VAV2: variants seen among roughly 807,000 people sequenced by gnomAD.
VAV2 encodes vav guanine nucleotide exchange factor 2.
A neutral mutation model predicts 132.5 loss-of-function variants in VAV2; 67 were observed. The ratio of observed to expected loss-of-function variants is 0.51; its 90% CI spans 0.42 to 0.62. The LOEUF (loss-of-function observed/expected upper bound fraction) is 0.62. Among genes scored for constraint, VAV2 ranks in the 20% least tolerant of loss-of-function variants. The probability of loss-of-function intolerance (pLI) is 0.00; values close to 1 mark genes in which losing one functional copy is unlikely to be tolerated. For missense variants in VAV2, 938 were observed against 1,153.6 expected (o/e 0.81, Z 2.71); for synonymous variants, 492 against 443.5 (o/e 1.11, Z -1.37).
At chr9:133,842,826 C>T (rs1052032173) in intron 3 of VAV2, among the ~76,000 whole-genome samples, 2 of 152,276 alleles carry the variant, frequency 1.3e-5, no homozygotes, top group Non-Finnish European at 1.5e-5. Flanking sequence ...GCATGGGAGC[C>T]GGGCCCTAGC....
Position 133,960,747 on chromosome 9 carries a change from A to C in VAV2, c.205-21528T>G, listed in dbSNP as rs576085809. 2.0e-5 allele frequency among the ~76,000 whole-genome samples: 3 copies of C among 152,326 alleles called. No homozygotes were observed. In the South Asian group the frequency reaches 6.2e-4, roughly 32 times the overall value. On this transcript the variant is annotated intron_variant, in intron 1 of 29. Transcript: ENST00000371850. ...GGCGCTTTGTCTGCCTGACTCTGTA[A>C]TACCCTTTGTGGAACGCAGGAGTCC...
chr9:133,949,571 G>A (rs1426442005), intron 1 of VAV2, among the ~76,000 whole-genome samples: 1 of 152,126 alleles, frequency 6.6e-6, no homozygotes, highest in Admixed American at 6.5e-5. Context: ...CTGCCCCCTC[G>A]AATGGCGGGT....
At chr9:133,927,217 C>A (rs1265000981) in intron 2 of VAV2, among the ~76,000 whole-genome samples, 1 of 152,170 alleles carries the variant, frequency 6.6e-6, no homozygotes, top group Non-Finnish European at 1.5e-5. Flanking sequence ...GAGTGGGAAA[C>A]CCCTGGCACA....
At chr9:133,972,425 G>A (rs1327025027) in intron 1 of VAV2, among the ~76,000 whole-genome samples, 1 of 152,234 alleles carries the variant, frequency 6.6e-6, no homozygotes, top group Non-Finnish European at 1.5e-5. Flanking sequence ...TGCGTCATTA[G>A]CTAATGCAGA....
chr9:133,928,426 G>A lies in VAV2; in HGVS notation c.321+10677C>T, dbSNP rs1431087663. Among the ~76,000 whole-genome samples, 4 of 152,336 alleles carry A rather than the reference G, an allele frequency of 2.6e-5. No homozygotes were observed. Among genetic ancestry groups the A allele is most frequent in the South Asian group, 2.1e-4 (1 of 4,832 alleles). On this transcript the variant is annotated intron_variant, in intron 2 of 29. Transcript: ENST00000371850. The surrounding 1 kb of genome is among the most constrained non-coding windows in gnomAD (Gnocchi z 5.4). ...GCAGCTCCCCACCCCAGCGAGGAGC[G>A]ACTGCATTTTAATAAGTAATTAGTG...
At chr9:133,820,762 C>A (rs975619058) in intron 4 of VAV2, among the ~76,000 whole-genome samples, 3 of 152,166 alleles carry the variant, frequency 2.0e-5, no homozygotes, top group Non-Finnish European at 4.4e-5. Context: ...AAGAGGGAAC[C>A]CTCAGGGGCT....
intron 9 of VAV2, 63 bp from the exon 10 acceptor site, chr9:133,797,872 G>C: frequency 6.7e-7 from 1 of 1,494,156 alleles, no homozygotes; most frequent in Admixed American, 1.9e-5. Context: ...GGGCTGCAGT[G>C]AGCCCGTCCA....
Position 133,788,403 on chromosome 9 carries a change from A to G in VAV2, c.1358T>C (p.Leu453Pro). 3 of 1,612,114 alleles carry G rather than the reference A, an allele frequency of 1.9e-6. No individual in the cohort carries two copies. Among genetic ancestry groups the G allele is most frequent in the Non-Finnish European group, 2.5e-6 (3 of 1,178,314 alleles). Residue 453 changes from leucine to proline, a missense_variant, in exon 15 of 30, where the codon CTG (leucine) becomes CCG (proline). By Grantham distance (98) the Leu-to-Pro change is moderately conservative. Transcript: ENST00000371850. The surrounding 1 kb of genome is among the most constrained non-coding windows in gnomAD (Gnocchi z 5.3). ...GGGGTCGTCGGTCATCTTGTGGAAC[A>G]GCAGCTCGATGATCTCCTTGAGCTC... is the stretch of plus-strand genomic sequence containing the variant. ...SYELKEIIELLFHKMTDDPMN... is the reference protein window; with the variant it reads ...SYELKEIIELPFHKMTDDPMN...
intron 3 of VAV2, among the ~76,000 whole-genome samples, chr9:133,835,835 C>A (rs567974074): frequency 2.0e-5 from 3 of 152,346 alleles, no homozygotes; most frequent in East Asian, 3.9e-4. Flanking sequence ...CTGTCACAGA[C>A]CTGCAGGGAC....
In VAV2 at chr9:133,835,903, G is replaced by A. The variant is rs375062115; in HGVS notation, c.381-1563C>T. Reference sequence around the variant, plus strand: ...CTGGTAAAAGCCCGTGTCCAAGGGCGCAGCACGGCCAGGCCTGACCTCTGC... The same window carrying A: ...CTGGTAAAAGCCCGTGTCCAAGGGCACAGCACGGCCAGGCCTGACCTCTGC... On this transcript the variant is annotated intron_variant, in intron 3 of 29. Coordinates refer to ENST00000371850, the MANE Select transcript of VAV2 (RefSeq NM_001134398.2). Among the ~76,000 whole-genome samples, 5 of 152,182 alleles carry A rather than the reference G, an allele frequency of 3.3e-5. 1 individual carries two copies. Among genetic ancestry groups the A allele is most frequent in the Admixed American group, 1.3e-4 (2 of 15,280 alleles).
At chr9:133,777,931 C>A (rs765444448) in intron 22 of VAV2, among the ~76,000 whole-genome samples, 1 of 152,172 alleles carries the variant, frequency 6.6e-6, no homozygotes, top group African/African-American at 2.4e-5. Context: ...TGTCAGCTCC[C>A]GCGGGAAGCT....
chr9:133,981,617 C>A (rs1285776586), intron 1 of VAV2, among the ~76,000 whole-genome samples: 1 of 152,198 alleles, frequency 6.6e-6, no homozygotes, highest in Non-Finnish European at 1.5e-5. Flanking sequence ...CTTTTTGCAC[C>A]AAATCTTTCC....
chr9:133,810,040 A>C, intron 6 of VAV2, 151 bp downstream of exon 6: 1 of 1,136,978 alleles, frequency 8.8e-7, no homozygotes, highest in East Asian at 2.6e-5. Flanking sequence ...GGGGGTGCCG[A>C]GGGTCTCTGA....
At chr9:133,979,401 C>G (rs763321718) in intron 1 of VAV2, among the ~76,000 whole-genome samples, 5 of 152,168 alleles carry the variant, frequency 3.3e-5, no homozygotes, top group Non-Finnish European at 7.3e-5. Context: ...GTCGGCCGCT[C>G]AGTGCCCAAC....
At chr9:133,904,834 C>T (rs1839582424) in intron 2 of VAV2, among the ~76,000 whole-genome samples, 2 of 152,370 alleles carry the variant, frequency 1.3e-5, no homozygotes, top group South Asian at 2.1e-4. Context: ...CCTCTCTGGG[C>T]CTCTAGGCAC....
intron 9 of VAV2, among the ~76,000 whole-genome samples, chr9:133,798,966 A>G (rs983600522): frequency 3.3e-5 from 5 of 152,224 alleles, no homozygotes; most frequent in African/African-American, 1.2e-4. Context: ...TCTTGGGACC[A>G]GGTCACCATG....
intron 9 of VAV2, among the ~76,000 whole-genome samples, chr9:133,799,068 T>C (rs1834832426): frequency 6.6e-6 from 1 of 152,230 alleles, no homozygotes; most frequent in Non-Finnish European, 1.5e-5. Flanking sequence ...GCCTGTAGCC[T>C]GGCTTCTGCG....
chr9:133,868,192 C>T (rs1378457011), intron 2 of VAV2, among the ~76,000 whole-genome samples: 3 of 152,256 alleles, frequency 2.0e-5, no homozygotes, highest in African/African-American at 4.8e-5. Context: ...CGGTTGGGTC[C>T]TGACTCAACC....
intron 2 of VAV2, among the ~76,000 whole-genome samples, chr9:133,913,152 C>A (rs1213814885): frequency 6.6e-6 from 1 of 152,210 alleles, no homozygotes; most frequent in Non-Finnish European, 1.5e-5. Flanking sequence ...CCCCAACACC[C>A]ACCTCTGGTG....
Sources: gnomAD v4.1 joint callset for allele counts (sites outside exome capture counted in the v4.1 genomes callset) on GRCh38, gnomAD v4.1.1 for gene constraint, Gnocchi (gnomAD v3.1) non-coding constraint, MANE v1.5 for transcripts, NCBI Gene and HGNC (gene_info 2026-07-23, HGNC 2026-07-21) for gene names.